The following FARP1 variants were observed in gnomAD, a reference collection of about 807,000 sequenced individuals.
FARP1 encodes FERM, ARH/RhoGEF and pleckstrin domain protein 1.
FARP1 carries 52 observed loss-of-function variants against 128.8 expected under a neutral mutation model. The observed-to-expected ratio is 0.40, with a 90% CI of 0.32 to 0.51. The LOEUF is 0.51. Ranked by LOEUF, FARP1 falls within the 20% of genes least tolerant of loss-of-function variation. The pLI is 0.45. For missense variants in FARP1, 1,333 were observed against 1,367.9 expected, an observed-to-expected ratio of 0.97 and a Z score of 0.40; for synonymous variants, 580 against 551.8, an observed-to-expected ratio of 1.05 and a Z score of -0.72.
chr13:98,353,621 A>T (rs9517267), intron 3 of FARP1, among the ~76,000 whole-genome samples: 1 of 151,894 alleles, frequency 6.6e-6, no homozygotes, highest in African/African-American at 2.4e-5. Flanking sequence ...CAGGTGATCC[A>T]CCTGCCTCGG....
intron 16 of FARP1, among the ~76,000 whole-genome samples, chr13:98,413,093 T>C (rs1891252328): frequency 6.6e-6 from 1 of 152,184 alleles, no homozygotes; most frequent in Admixed American, 6.5e-5. Context: ...GTGAAGCCAA[T>C]ATGCTGGGGC....
At chr13:98,222,243 C>T (rs1006239773) in intron 2 of FARP1, among the ~76,000 whole-genome samples, 2 of 152,134 alleles carry the variant, frequency 1.3e-5, no homozygotes, top group South Asian at 4.1e-4. Context: ...AAACATGATA[C>T]GGGTTTCACA....
intron 5 of FARP1, among the ~76,000 whole-genome samples, chr13:98,369,218 C>T (rs1889225439): frequency 6.6e-6 from 1 of 152,150 alleles, no homozygotes; most frequent in Admixed American, 6.5e-5. Flanking sequence ...AGCCACTGCG[C>T]CCAACCTCAT....
At chr13:98,418,261 T>C (rs1437355192) in intron 16 of FARP1, among the ~76,000 whole-genome samples, 1 of 78,118 alleles carries the variant, frequency 1.3e-5, no homozygotes, top group East Asian at 3.9e-4. Flanking sequence ...TATTTGTTTG[T>C]TTTGTTTTGT....
chr13:98,202,121 C>G (rs1339241019), intron 1 of FARP1, among the ~76,000 whole-genome samples: 1 of 152,192 alleles, frequency 6.6e-6, no homozygotes, highest in African/African-American at 2.4e-5. Flanking sequence ...TGAGGAGGGC[C>G]GGGCTGGCAG....
At chr13:98,337,499 A>G (rs1424271001) in intron 2 of FARP1, among the ~76,000 whole-genome samples, 1 of 142,728 alleles carries the variant, frequency 7.0e-6, no homozygotes, top group Non-Finnish European at 1.5e-5. Flanking sequence ...TGCCTAGATA[A>G]GTGGGTTTTG....
intron 17 of FARP1, among the ~76,000 whole-genome samples, chr13:98,425,809 C>T (rs1452763310): frequency 6.6e-6 from 1 of 152,188 alleles, no homozygotes; most frequent in Non-Finnish European, 1.5e-5. Flanking sequence ...AAGTCTGCCC[C>T]ATCTCTTATA....
intron 2 of FARP1, among the ~76,000 whole-genome samples, chr13:98,263,882 G>T (rs1883988419): frequency 6.6e-6 from 1 of 152,048 alleles, no homozygotes; most frequent in African/African-American, 2.4e-5. Context: ...CATTTTATTA[G>T]TTTTTCCAGC....
At position 98,341,144 on chromosome 13, in the gene FARP1, T is replaced by TTA. The variant is rs573005503; in HGVS notation, c.172-2618_172-2617insTA. On this transcript the variant is annotated intron_variant, in intron 2 of 26. Transcript: ENST00000319562. Reference sequence around the variant, plus strand: ...TGTGGGGGTGTAAAGCGGCATCTGTTAAAAAAAAAAAAGTACTTAATGTTG... The same window carrying TTA: ...TGTGGGGGTGTAAAGCGGCATCTGTTTAAAAAAAAAAAAAGTACTTAATGTTG... The TTA allele has an allele frequency of 5.5e-3, 803 of 147,098 alleles. 9 individuals carry two copies. Among genetic ancestry groups the TTA allele is most frequent in the African/African-American group, 0.019 (745 of 40,028 alleles). The allele number at this position is 147,098 out of a possible 1,614,324, so 9.1% of individuals were successfully genotyped here.
At chr13:98,235,693 A>G (rs1399946362) in intron 2 of FARP1, among the ~76,000 whole-genome samples, 2 of 152,136 alleles carry the variant, frequency 1.3e-5, no homozygotes, top group African/African-American at 4.8e-5. Flanking sequence ...TTTCCTTTTT[A>G]AAACTGAAAC....
intron 6 of FARP1, among the ~76,000 whole-genome samples, chr13:98,379,173 T>TA (rs1889778546): frequency 2.1e-5 from 2 of 96,812 alleles, no homozygotes; most frequent in African/African-American, 1.0e-4. Context: ...ATATATAATC[T>TA]ATATATAATA....
chr13:98,248,791 C>G (rs1294953488), intron 2 of FARP1, among the ~76,000 whole-genome samples: 2 of 151,750 alleles, frequency 1.3e-5, no homozygotes, highest in Non-Finnish European at 2.9e-5. Context: ...CTAGTTAGTG[C>G]CGTGATTTGT....
chr13:98,307,411 C>T (rs1886215312), intron 2 of FARP1, among the ~76,000 whole-genome samples: 1 of 152,076 alleles, frequency 6.6e-6, no homozygotes. Context: ...GCCCCGGTTT[C>T]CCCCACCACC....
chr13:98,381,880 C>T (rs1329061803), intron 6 of FARP1, among the ~76,000 whole-genome samples: 1 of 152,022 alleles, frequency 6.6e-6, no homozygotes, highest in African/African-American at 2.4e-5. Context: ...CAGCTGGGTG[C>T]GGTGGCTCAT....
At chr13:98,447,909 CCATTCT>C (rs1221957258) in intron 26 of FARP1, 31 of 363,398 alleles carry the variant, frequency 8.5e-5, no homozygotes, top group Non-Finnish European at 1.5e-4. Context: ...ACACGTCCCG[CCATTCT>C]CTGCCATGTC....
intron 13 of FARP1, chr13:98,399,456 C>T (rs1890676643): frequency 6.6e-6 from 1 of 152,228 alleles, no homozygotes; most frequent in Non-Finnish European, 1.5e-5. Flanking sequence ...CTGCAGATCT[C>T]ATTCTAGCTT....
At position 98,176,582 on chromosome 13, in the gene FARP1, C is replaced by G. The variant is rs1365800450; in HGVS notation, c.-24+33090C>G. ...TCAATCTCCCACCCGAGCTTGTAAT[C>G]GGAACGGTCGTGGAGGAATTTGCAG... is the stretch of plus-strand genomic sequence containing the variant. On this transcript the variant is annotated intron_variant, in intron 1 of 26. Coordinates refer to ENST00000319562, the MANE Select transcript of FARP1 (RefSeq NM_005766.4). This position sits in a 1 kb window ranked among gnomAD's most constrained non-coding sequence, Gnocchi z 6.2. 2 of 1,614,100 alleles carry G rather than the reference C, an allele frequency of 1.2e-6. No individual in the cohort carries two copies. Among genetic ancestry groups the G allele is most frequent in the Non-Finnish European group, 8.5e-7 (1 of 1,180,046 alleles).
chr13:98,289,988 C>T (rs1196687712), intron 2 of FARP1, among the ~76,000 whole-genome samples: 1 of 152,066 alleles, frequency 6.6e-6, no homozygotes, highest in Non-Finnish European at 1.5e-5. Flanking sequence ...GTACTTCTCC[C>T]CACAACACCC....
intron 5 of FARP1, among the ~76,000 whole-genome samples, chr13:98,372,084 T>TC (rs975199560): frequency 1.0e-5 from 1 of 97,672 alleles, no homozygotes; most frequent in Admixed American, 1.1e-4. Context: ...AGTTTTTCTT[T>TC]TTTTTTTTTT....
Sources: allele counts gnomAD v4.1 joint callset (sites outside exome capture counted in the v4.1 genomes callset), GRCh38; gene constraint gnomAD v4.1.1; non-coding constraint Gnocchi (gnomAD v3.1); transcripts MANE v1.5; gene names NCBI Gene and HGNC (gene_info 2026-07-23, HGNC 2026-07-21).